HS3ST6: variants seen among roughly 807,000 people sequenced by gnomAD.
The protein encoded by HS3ST6 is heparan sulfate-glucosamine 3-sulfotransferase 6, also known as heparan sulfate glucosamine 3-O-sulfotransferase 6.
Under a neutral mutation model 11.0 loss-of-function variants are expected in HS3ST6, and 13 were observed. The observed-to-expected ratio is 1.18, with a 90% confidence interval of 0.77 to 1.88. The LOEUF is 1.88. Ranked by LOEUF, HS3ST6 falls within the 40% of genes most tolerant of loss-of-function variation. HS3ST6 has a pLI of 0.00. For missense variants in HS3ST6, 541 were observed against 494.4 expected (o/e 1.09, Z -0.89); for synonymous variants, 232 against 230.6 (o/e 1.01, Z -0.06).
In HS3ST6 at chr16:1,911,533, C is replaced by T. The variant is rs922891069; in HGVS notation, c.*57G>A. On this transcript the variant is annotated 3_prime_UTR_variant, in exon 2 of 2. Coordinates refer to ENST00000454677, the MANE Select transcript of HS3ST6 (RefSeq NM_001009606.4). ...CTCTGCCCAGCATGTGCACGCAGCC[C>T]GCTCTGGCCAGGCGAGCGGGTGTCA... 28 of 1,480,596 alleles carry T rather than the reference C, an allele frequency of 1.9e-5. No individual in the cohort carries two copies. Among genetic ancestry groups the T allele is most frequent in the African/African-American group, 2.8e-5 (2 of 70,734 alleles). 91.7% of individuals were successfully genotyped at this position (1,480,596 alleles called of 1,614,324 possible).
chr16:1,913,277 G>A (rs1597009549), intron 1 of HS3ST6, among the ~76,000 whole-genome samples: 1 of 152,174 alleles, frequency 6.6e-6, no homozygotes, highest in Non-Finnish European at 1.5e-5. Flanking sequence ...AGGTTGCCAG[G>A]GTGCCAGGCC....
upstream of HS3ST6, among the ~76,000 whole-genome samples, chr16:1,919,699 CCA>C (rs2082950765): frequency 1.3e-5 from 2 of 152,230 alleles, no homozygotes; most frequent in Non-Finnish European, 2.9e-5. Flanking sequence ...CCTCCACGAC[CCA>C]CAGACATTCC....
In HS3ST6 at chr16:1,912,265, G is replaced by A; in HGVS notation, c.414-60C>T. The A allele has an allele frequency of 7.8e-7, 1 of 1,286,010 alleles. No homozygotes were observed. Among genetic ancestry groups the A allele is most frequent in the Non-Finnish European group, 9.9e-7 (1 of 1,012,912 alleles). 79.7% of individuals were successfully genotyped at this position (1,286,010 alleles called of 1,614,324 possible). ...CTCCCCAGCCCTAGACCGGCCCCCA[G>A]GGGCCCGGGACCAAGGCCCCCTTAT... is the stretch of plus-strand genomic sequence containing the variant. On this transcript the variant is annotated intron_variant, in intron 1 of 1. Coordinates refer to ENST00000454677, the MANE Select transcript of HS3ST6 (RefSeq NM_001009606.4). This position sits in a 1 kb window ranked among gnomAD's most constrained non-coding sequence, Gnocchi z 5.6.
At chr16:1,916,295 A>C (rs1357437294) in intron 1 of HS3ST6, among the ~76,000 whole-genome samples, 1 of 151,102 alleles carries the variant, frequency 6.6e-6, no homozygotes, top group Non-Finnish European at 1.5e-5. Flanking sequence ...GGCAGAAGCC[A>C]CGGGACTGAC....
At chr16:1,920,472 C>G (rs1267603184), upstream of HS3ST6, among the ~76,000 whole-genome samples, 3 of 152,238 alleles carry the variant, frequency 2.0e-5, no homozygotes, top group Non-Finnish European at 4.4e-5. Flanking sequence ...TCCCCACGGT[C>G]TCAGCAGTCC....
chr16:1,916,839 T>A (rs1159926429), intron 1 of HS3ST6, among the ~76,000 whole-genome samples: 1 of 149,964 alleles, frequency 6.7e-6, no homozygotes, highest in East Asian at 2.0e-4. Flanking sequence ...GGATTAGGGA[T>A]GCATTCTGAC....
chr16:1,915,370 G>A (rs1028383274), intron 1 of HS3ST6, among the ~76,000 whole-genome samples: 1 of 152,200 alleles, frequency 6.6e-6, no homozygotes, highest in Non-Finnish European at 1.5e-5. Flanking sequence ...CTGCCTCCCG[G>A]GTTCAAGCGA....
Position 1,911,529 on chromosome 16 carries a change from A to G in HS3ST6, c.*61T>C. 6.8e-6 allele frequency: 10 copies of G among 1,462,682 alleles called. No individual in the cohort carries two copies. Among genetic ancestry groups the G allele is most frequent in the Non-Finnish European group, 9.1e-6 (10 of 1,101,474 alleles). 90.6% of individuals were successfully genotyped at this position (1,462,682 alleles called of 1,614,324 possible). A position where few individuals can be genotyped will look rare whatever the true frequency, so the allele number is the denominator to read the frequency against. ...TCCTCTCTGCCCAGCATGTGCACGC[A>G]GCCCGCTCTGGCCAGGCGAGCGGGT... is the stretch of plus-strand genomic sequence containing the variant. On this transcript the variant is annotated 3_prime_UTR_variant, in exon 2 of 2. Transcript: ENST00000454677.
Position 1,917,927 on chromosome 16 carries a change from C to A in HS3ST6, c.397G>T (p.Gly133Cys), listed in dbSNP as rs1356257647. ...GGTGCTCACCGGTACCAGGCGAGGC[C>A]GCGCTCGTAGCACCTGTCGAAGAAG... ...PHFFDRCYER[G>C]LAWYRSLMPR... The change falls in exon 1 of 2, where the codon GGC becomes TGC. Residue 133 changes from glycine to cysteine, a missense_variant. Gly to Cys is a radical substitution (Grantham distance 159). Coordinates refer to ENST00000454677, the MANE Select transcript of HS3ST6 (RefSeq NM_001009606.4). The A allele has an allele frequency of 3.4e-6, 5 of 1,485,094 alleles. No individual in the cohort carries two copies. The South Asian group carries it at 5.2e-5, about 15-fold the overall frequency. The allele number at this position is 1,485,094 out of a possible 1,614,324, so 92.0% of individuals were successfully genotyped here.
chr16:1,917,408 G>A (rs1162023229), intron 1 of HS3ST6, among the ~76,000 whole-genome samples: 1 of 152,136 alleles, frequency 6.6e-6, no homozygotes, highest in Non-Finnish European at 1.5e-5. Flanking sequence ...GACTTTCTCC[G>A]GACTCCCAGG....
chr16:1,913,226 C>T (rs1214618606), intron 1 of HS3ST6, among the ~76,000 whole-genome samples: 1 of 152,246 alleles, frequency 6.6e-6, no homozygotes, highest in Non-Finnish European at 1.5e-5. Context: ...CCGGAGGATC[C>T]TTCCCAAGAC....
intron 1 of HS3ST6, among the ~76,000 whole-genome samples, chr16:1,915,972 G>A (rs763722746): frequency 5.9e-5 from 9 of 152,224 alleles, no homozygotes; most frequent in Non-Finnish European, 1.2e-4. Flanking sequence ...TCGCCTCCCC[G>A]CGTCGGCACC....
At chr16:1,918,872 C>T (rs1021511421), upstream of HS3ST6, among the ~76,000 whole-genome samples, 16 of 152,286 alleles carry the variant, frequency 1.1e-4, no homozygotes, top group Admixed American at 7.8e-4. The surrounding 1 kb of genome is among the most constrained non-coding windows in gnomAD (Gnocchi z 6.0). Context: ...TCCGGGCACT[C>T]GGCCTGCCAA....
In HS3ST6 at chr16:1,918,041, T is replaced by C. The variant is rs1597012350; in HGVS notation, c.283A>G (p.Ile95Val). 6.6e-7 allele frequency: 1 copy of C among 1,521,920 alleles called. No homozygotes were observed. The highest frequency in any genetic ancestry group is 8.8e-7 in the Non-Finnish European group (1 of 1,141,900). 94.3% of individuals were successfully genotyped at this position (1,521,920 alleles called of 1,614,324 possible). A position where few individuals can be genotyped will look rare whatever the true frequency, so the allele number is the denominator to read the frequency against. ...PGRRRFPQAL[I>V]VGVKKGGTRA... is the part of the protein sequence containing the mutation. ...GTGCCGCCCTTCTTCACGCCAACGA[T>C]GAGCGCTTGCGGGAAGCGCCGGCGG... is the stretch of plus-strand genomic sequence containing the variant. Residue 95 changes from isoleucine (I) to valine (V), a missense_variant, in exon 1 of 2, where the codon ATC (isoleucine) becomes GTC (valine). By Grantham distance (29) the Ile-to-Val change is conservative. Transcript: ENST00000454677. The surrounding 1 kb of genome is among the most constrained non-coding windows in gnomAD (Gnocchi z 6.0).
chr16:1,919,616 G>A (rs1330368404), upstream of HS3ST6, among the ~76,000 whole-genome samples: 5 of 152,228 alleles, frequency 3.3e-5, no homozygotes, highest in Non-Finnish European at 5.9e-5. Flanking sequence ...GCTCTGCTGC[G>A]TTAATGAGCC....
intron 1 of HS3ST6, among the ~76,000 whole-genome samples, chr16:1,914,504 C>G (rs1392861511): frequency 6.6e-6 from 1 of 152,188 alleles, no homozygotes; most frequent in Non-Finnish European, 1.5e-5. Context: ...AGCCCCAGGC[C>G]CTTCCCTCCC....
In HS3ST6 at chr16:1,918,295, C is replaced by A; in HGVS notation, c.29G>T (p.Gly10Val). The A allele has an allele frequency of 1.2e-6, 1 of 809,742 alleles. No homozygotes were observed. The highest frequency in any genetic ancestry group is 1.5e-6 in the Non-Finnish European group (1 of 668,508). 50.2% of individuals were successfully genotyped at this position (809,742 alleles called of 1,614,324 possible). Residue 10 changes from glycine to valine, a missense_variant, in exon 1 of 2, where the codon GGG becomes GTG. Transcript: ENST00000454677. The surrounding 1 kb of genome is among the most constrained non-coding windows in gnomAD (Gnocchi z 6.0). The part of the protein sequence containing the change: MAGSGGLGG[G>V]AGGGQGAGAG... ...CCCTGCGCCCTGGCCGCCCCCGGCCCCGCCGCCCAGGCCGCCGCTACCTGC... is the reference window on the plus strand; with the variant it reads ...CCCTGCGCCCTGGCCGCCCCCGGCCACGCCGCCCAGGCCGCCGCTACCTGC...
At chr16:1,919,425 G>A (rs1389095919), upstream of HS3ST6, among the ~76,000 whole-genome samples, 7 of 152,044 alleles carry the variant, frequency 4.6e-5, no homozygotes, top group South Asian at 2.1e-4. Flanking sequence ...GAGGCGAGCC[G>A]GGCTCAGAGA....
chr16:1,917,298 C>A (rs749078214), intron 1 of HS3ST6, among the ~76,000 whole-genome samples: 77 of 152,150 alleles, frequency 5.1e-4, no homozygotes, highest in Non-Finnish European at 5.3e-4. Flanking sequence ...ACCCCCACGT[C>A]CATCCTGGGT....
Sources: allele counts gnomAD v4.1 joint callset (sites outside exome capture counted in the v4.1 genomes callset), GRCh38; gene constraint gnomAD v4.1.1; non-coding constraint Gnocchi (gnomAD v3.1); transcripts MANE v1.5; gene names NCBI Gene and HGNC (gene_info 2026-07-23, HGNC 2026-07-21).